Variants in PTPRD observed in about 807,000 individuals in gnomAD.
The protein encoded by PTPRD is protein tyrosine phosphatase receptor type D.
PTPRD carries 34 observed loss-of-function variants against 214.5 expected under a neutral mutation model. That is an observed-to-expected ratio of 0.16 (90% CI 0.12 to 0.21). PTPRD has a LOEUF of 0.21. PTPRD is among the 10% of genes least tolerant of loss of function. PTPRD has a pLI of 1.00. For synonymous variants in PTPRD, 1,128 were observed against 845.7 expected (o/e 1.33, Z -5.79); for missense variants, 2,545 against 2,398.7 (o/e 1.06, Z -1.27).
At chr9:10,007,860 T>G (rs1343461715) in intron 4 of PTPRD, among the ~76,000 whole-genome samples, 1 of 152,036 alleles carries the variant, frequency 6.6e-6, no homozygotes, top group Non-Finnish European at 1.5e-5. Flanking sequence ...TATCAGCCAA[T>G]AGTTACTTTA....
At chr9:8,371,905 A>C (rs1025966529) in intron 39 of PTPRD, among the ~76,000 whole-genome samples, 1 of 152,032 alleles carries the variant, frequency 6.6e-6, no homozygotes, top group African/African-American at 2.4e-5. Context: ...CAAGGAGTCA[A>C]CAATGAGGTG....
chr9:10,405,713 C>T (rs2098343341), intron 2 of PTPRD, among the ~76,000 whole-genome samples: 1 of 151,344 alleles, frequency 6.6e-6, no homozygotes, highest in African/African-American at 2.4e-5. Context: ...AATGGAAACT[C>T]AATAATATGG....
chr9:10,060,004 T>C (rs2097728218), intron 3 of PTPRD, among the ~76,000 whole-genome samples: 1 of 152,068 alleles, frequency 6.6e-6, no homozygotes, highest in Non-Finnish European at 1.5e-5. Flanking sequence ...GTGTTGACTA[T>C]CAACCAATGA....
At chr9:10,081,852 A>C (rs1208263548) in intron 3 of PTPRD, among the ~76,000 whole-genome samples, 7 of 152,088 alleles carry the variant, frequency 4.6e-5, no homozygotes, top group Admixed American at 2.0e-4. Flanking sequence ...CTGAGTGCTT[A>C]TTAATCATTT....
chr9:9,284,780 G>C (rs1446070254), intron 9 of PTPRD, among the ~76,000 whole-genome samples: 2 of 151,764 alleles, frequency 1.3e-5, no homozygotes, highest in African/African-American at 4.8e-5. Context: ...TTATTAACTA[G>C]TCATGTGACC....
chr9:9,129,924 T>C (rs1344817742), intron 10 of PTPRD, among the ~76,000 whole-genome samples: 1 of 152,174 alleles, frequency 6.6e-6, no homozygotes, highest in Non-Finnish European at 1.5e-5. Flanking sequence ...TTATGTAATT[T>C]CTCTCTGCTT....
intron 7 of PTPRD, among the ~76,000 whole-genome samples, chr9:9,632,548 G>A (rs1182261077): frequency 1.3e-5 from 2 of 151,920 alleles, no homozygotes; most frequent in African/African-American, 2.4e-5. Context: ...TGCAAATGGT[G>A]CACTTGGTAT....
At chr9:9,097,105 A>T (rs748094654) in intron 10 of PTPRD, among the ~76,000 whole-genome samples, 52 of 152,218 alleles carry the variant, frequency 3.4e-4, no homozygotes, top group Non-Finnish European at 1.3e-4. Flanking sequence ...TTTGGTTTGC[A>T]TACAAGCAGG....
In PTPRD at chr9:9,094,273, A is replaced by T. The variant is rs544016899; in HGVS notation, c.-142-75538T>A. 3.7e-4 allele frequency among the ~76,000 whole-genome samples: 57 copies of T among 152,284 alleles called. No individual in the cohort carries two copies. The East Asian group carries it at 4.3e-3, about 11-fold the overall frequency. On this transcript the variant is annotated intron_variant, in intron 10 of 45. Coordinates refer to ENST00000381196, the MANE Select transcript of PTPRD (RefSeq NM_002839.4). ...TCTCAATTGCAAAGGTTTGGAACCA[A>T]CCTAAGTGTCCATCAACCAATGAGT...
chr9:9,344,344 G>T (rs1374561803), intron 9 of PTPRD, among the ~76,000 whole-genome samples: 3 of 152,126 alleles, frequency 2.0e-5, no homozygotes, highest in Admixed American at 6.6e-5. Context: ...GGGGGAAAGG[G>T]GAGATAGAGC....
At chr9:9,560,066 T>C (rs1239169116) in intron 8 of PTPRD, among the ~76,000 whole-genome samples, 2 of 152,208 alleles carry the variant, frequency 1.3e-5, no homozygotes, top group African/African-American at 4.8e-5. Context: ...AGAAAAAAAC[T>C]ACACTTCCAC....
At chr9:9,187,739 T>C (rs2099932538) in intron 9 of PTPRD, among the ~76,000 whole-genome samples, 1 of 151,826 alleles carries the variant, frequency 6.6e-6, no homozygotes, top group African/African-American at 2.4e-5. Context: ...ATATATAAAA[T>C]GGCAAATAAA....
chr9:8,661,407 T>A (rs1482638293), intron 12 of PTPRD, among the ~76,000 whole-genome samples: 1 of 152,032 alleles, frequency 6.6e-6, no homozygotes, highest in Non-Finnish European at 1.5e-5. Flanking sequence ...CATTTCCACA[T>A]CTAGTATCAA....
chr9:10,114,875 A>G (rs1270973573), intron 3 of PTPRD, among the ~76,000 whole-genome samples: 1 of 152,040 alleles, frequency 6.6e-6, no homozygotes. Context: ...TAGAATATCA[A>G]TAGCAATATG....
chr9:9,860,828 C>T (rs752457853), intron 5 of PTPRD, among the ~76,000 whole-genome samples: 4 of 152,132 alleles, frequency 2.6e-5, no homozygotes, highest in Admixed American at 2.0e-4. Flanking sequence ...CTTTTATCAC[C>T]AAAGCACAAA....
chr9:9,601,446 T>C (rs1374020219), intron 7 of PTPRD, among the ~76,000 whole-genome samples: 2 of 152,058 alleles, frequency 1.3e-5, no homozygotes, highest in Non-Finnish European at 2.9e-5. Context: ...TTTCACCATA[T>C]ATAAACATAT....
rs1228072318 is a variant in PTPRD at position 10,060,827 on chromosome 9, TCTTCCTTCCTTCCTTCCTTTC to T, written c.-544-27058_-544-27038del. On this transcript the variant is annotated intron_variant, in intron 3 of 45. Coordinates refer to ENST00000381196, the MANE Select transcript of PTPRD (RefSeq NM_002839.4). ...TCCTTTCTTTCTTTCTTTCTTTCTT[TCTTCCTTCCTTCCTTCCTTTC>T]CTTTCTTTCTTCCTTCCTTCTTTCC... 2.0e-3 allele frequency among the ~76,000 whole-genome samples: 235 copies of T among 119,714 alleles called. 43 individuals are homozygous for T. Among genetic ancestry groups the T allele is most frequent in the African/African-American group, 0.011 (201 of 18,558 alleles). 78.5% of individuals were successfully genotyped at this position (119,714 alleles called of 152,430 possible). A position where few individuals can be genotyped will look rare whatever the true frequency, so the allele number is the denominator to read the frequency against.
rs771132534 is a variant in PTPRD at position 8,341,780 on chromosome 9, C to T, written c.4860G>A (p.Val1620=). ...LEAVTCGNTE[V]PARNLYAYIQ... is the part of the protein sequence containing the mutation. ...TGTAGGCATACAAGTTTCTAGCTGGCACTTCGGTATTTCCACAAGTCACTG... is the reference window on the plus strand; with the variant it reads ...TGTAGGCATACAAGTTTCTAGCTGGTACTTCGGTATTTCCACAAGTCACTG... The change falls in exon 40 of 46, where the codon GTG becomes GTA. Residue 1620 remains valine (V), a synonymous_variant. Transcript: ENST00000381196. 9.9e-6 allele frequency: 16 copies of T among 1,613,496 alleles called. No individual in the cohort carries two copies. The highest frequency in any genetic ancestry group is 4.0e-5 in the African/African-American group (3 of 74,870).
At chr9:10,458,354 G>T (rs77983943) in intron 2 of PTPRD, among the ~76,000 whole-genome samples, 1,819 of 152,180 alleles carry the variant, frequency 0.012, 33 homozygotes, top group African/African-American at 0.039. Flanking sequence ...TCATGATCAA[G>T]TGGGATTTAT....
Sources: allele counts gnomAD v4.1 joint callset (sites outside exome capture counted in the v4.1 genomes callset), GRCh38; gene constraint gnomAD v4.1.1; transcripts MANE v1.5; gene names NCBI Gene and HGNC (gene_info 2026-07-23, HGNC 2026-07-21).